Variants in ZDHHC7 observed in about 807,000 individuals in gnomAD.
The protein encoded by ZDHHC7 is zDHHC palmitoyltransferase 7, also known as palmitoyltransferase ZDHHC7.
In ZDHHC7, 12 loss-of-function variants were observed where a neutral mutation model predicts 34.1. That is an observed-to-expected ratio of 0.35 (90% confidence interval 0.23 to 0.57). The LOEUF (loss-of-function observed/expected upper bound fraction) is 0.57, where lower values mean the gene tolerates loss of function less well. Among genes scored for constraint, ZDHHC7 ranks in the 20% least tolerant of loss-of-function variants. The pLI, the probability that ZDHHC7 is intolerant of heterozygous loss-of-function variation, is 0.84. For synonymous variants in ZDHHC7, 185 were observed against 155.4 expected (o/e 1.19, Z -1.42); for missense variants, 388 against 402.7 (o/e 0.96, Z 0.31).
At chr16:84,992,788 C>T (rs991334302) in intron 2 of ZDHHC7, among the ~76,000 whole-genome samples, 1 of 152,184 alleles carries the variant, frequency 6.6e-6, no homozygotes, top group East Asian at 1.9e-4. Flanking sequence ...GGTCAGGTCA[C>T]TACAACTGAG....
At chr16:84,981,799 C>G in intron 4 of ZDHHC7, 71 bp downstream of exon 4, 2 of 1,608,412 alleles carry the variant, frequency 1.2e-6, no homozygotes, top group Non-Finnish European at 1.7e-6. Flanking sequence ...TGGGCGCACT[C>G]TGGTTTAATA....
At chr16:84,996,382 A>G (rs1231283657) in intron 1 of ZDHHC7, among the ~76,000 whole-genome samples, 1 of 152,146 alleles carries the variant, frequency 6.6e-6, no homozygotes, top group Non-Finnish European at 1.5e-5. Context: ...ATCACAGAAC[A>G]GAGAGACAGA....
At position 84,994,546 on chromosome 16, in the gene ZDHHC7, A is replaced by T. The variant is rs2072551657; in HGVS notation, c.-18+1376T>A. ...CCTCTTGAAAGTCTTCTAAAGGCAC[A>T]CATGTGACACCTGAGCCAGCTCAGC... On this transcript the variant is annotated intron_variant, in intron 2 of 7. Coordinates refer to ENST00000313732, the MANE Select transcript of ZDHHC7 (RefSeq NM_017740.3). Among the ~76,000 whole-genome samples the T allele has an allele frequency of 1.3e-5, 2 of 152,214 alleles. 1 individual carries two copies. The highest frequency in any genetic ancestry group is 2.9e-5 in the Non-Finnish European group (2 of 68,048).
At chr16:84,982,197 T>A in intron 3 of ZDHHC7, 2 of 478,862 alleles carry the variant, frequency 4.2e-6, no homozygotes, top group Non-Finnish European at 7.2e-6. Flanking sequence ...TACAAAAAAT[T>A]AGCCAGGCGC....
chr16:84,987,030 G>T (rs2143614189), intron 3 of ZDHHC7, among the ~76,000 whole-genome samples: 1 of 152,308 alleles, frequency 6.6e-6, no homozygotes, highest in South Asian at 2.1e-4. Context: ...CTGCTCTGAG[G>T]ACTGCCCTTC....
Position 84,979,224 on chromosome 16 carries a change from C to A in ZDHHC7, c.502G>T (p.Gly168Ter). ...ACAAAAAATCTTTGATTCTTTTCTC[C>A]TACACAATTGTTCACCCACGGGCAG... ...HHCPWVNNCV[G>*]EKNQRFFVLF... is the part of the protein sequence containing the mutation. Residue 168 changes from glycine (G) to a stop codon, truncating the protein, a stop_gained, in exon 5 of 8, where the codon GGA becomes TGA. Transcript: ENST00000313732. LOFTEE classifies it high-confidence loss of function. The A allele has an allele frequency of 1.2e-6, 2 of 1,605,696 alleles. No individual in the cohort carries two copies. Among genetic ancestry groups the A allele is most frequent in the Admixed American group, 3.5e-5 (2 of 57,234 alleles).
At chr16:84,995,499 G>A (rs1333246794) in intron 2 of ZDHHC7, among the ~76,000 whole-genome samples, 1 of 152,166 alleles carries the variant, frequency 6.6e-6, no homozygotes, top group Non-Finnish European at 1.5e-5. Context: ...GATGGCGGGT[G>A]CCTGTAATCC....
chr16:85,010,717 A>G lies in ZDHHC7; in HGVS notation c.-104+569T>C, dbSNP rs190512166. On this transcript the variant is annotated intron_variant, in intron 1 of 7. Coordinates refer to ENST00000313732, the MANE Select transcript of ZDHHC7 (RefSeq NM_017740.3). ...GTGTGACAAAGTTGTAGAAGGAACC[A>G]CACCAGGAGAGGTGAGCCTTACTGC... is the stretch of plus-strand genomic sequence containing the variant. Among the ~76,000 whole-genome samples the G allele has an allele frequency of 1.2e-3, 181 of 152,356 alleles. 1 individual carries two copies. The highest frequency in any genetic ancestry group is 3.2e-3 in the African/African-American group (134 of 41,586).
Position 84,990,645 on chromosome 16 carries a change from G to A in ZDHHC7, c.-17-10C>T. 1.2e-6 allele frequency: 2 copies of A among 1,604,890 alleles called. No homozygotes were observed. The highest frequency in any genetic ancestry group is 1.7e-6 in the Non-Finnish European group (2 of 1,175,246). ...ATTTCCCTGACGCACCCTGGGGAGG[G>A]GGACGACACAGAGCTGGTAAGGCTC... On this transcript the variant is annotated splice_polypyrimidine_tract_variant and intron_variant, in intron 2 of 7. Coordinates refer to ENST00000313732, the MANE Select transcript of ZDHHC7 (RefSeq NM_017740.3).
In ZDHHC7 at chr16:84,988,614, G is replaced by C. The variant is rs574574891; in HGVS notation, c.315+1690C>G. ...GGGCCTTTTCCGCAGGAGCAGGAGC[G>C]GGGTGGGAGCAGAAGCTGGACTGCT... On this transcript the variant is annotated intron_variant, in intron 3 of 7. Coordinates refer to ENST00000313732, the MANE Select transcript of ZDHHC7 (RefSeq NM_017740.3). 27 of 692,408 alleles carry C rather than the reference G, an allele frequency of 3.9e-5. 1 individual carries two copies. The highest frequency in any genetic ancestry group is 1.3e-4 in the Admixed American group (5 of 39,414). The allele number at this position is 692,408 out of a possible 1,614,324, so 42.9% of individuals were successfully genotyped here.
At chr16:84,997,218 C>T (rs2072590528) in intron 1 of ZDHHC7, among the ~76,000 whole-genome samples, 1 of 150,698 alleles carries the variant, frequency 6.6e-6, no homozygotes, top group African/African-American at 2.4e-5. Context: ...TAAGAACTTC[C>T]TGGTTATTCT....
chr16:84,998,189 G>A (rs1022618252), intron 1 of ZDHHC7, among the ~76,000 whole-genome samples: 28 of 151,306 alleles, frequency 1.9e-4, no homozygotes, highest in African/African-American at 6.6e-4. Context: ...GCGCGAACCC[G>A]GGAGGCGGAG....
chr16:85,018,121 C>T, the ZDHHC7 span, among the ~76,000 whole-genome samples: 3 of 152,180 alleles, frequency 2.0e-5, no homozygotes, highest in Non-Finnish European at 2.9e-5. Flanking sequence ...GTTTGACCCA[C>T]ATCCTGGGTT....
At chr16:85,025,421 G>T in the ZDHHC7 span, among the ~76,000 whole-genome samples, 164 of 116,428 alleles carry the variant, frequency 1.4e-3, 1 homozygote, top group African/African-American at 5.0e-3. Flanking sequence ...TTCCTTTTTT[G>T]GGGGGGGGGA....
At chr16:84,989,981 C>CA (rs1416492390) in intron 3 of ZDHHC7, among the ~76,000 whole-genome samples, 1 of 152,134 alleles carries the variant, frequency 6.6e-6, no homozygotes, top group African/African-American at 2.4e-5. Context: ...GGCTGAGCTG[C>CA]AAGATCTGTA....
At chr16:85,021,327 G>T in the ZDHHC7 span, among the ~76,000 whole-genome samples, 1 of 145,196 alleles carries the variant, frequency 6.9e-6, no homozygotes, top group East Asian at 2.1e-4. Flanking sequence ...CAGAAGAATC[G>T]TTTGAACCCA....
chr16:84,980,004 G>C (rs1357777703), intron 4 of ZDHHC7, among the ~76,000 whole-genome samples: 1 of 144,904 alleles, frequency 6.9e-6, no homozygotes, highest in African/African-American at 2.6e-5. Flanking sequence ...GCCCAGGCTG[G>C]AGTGCAGTGG....
chr16:84,986,452 A>G (rs897652234), intron 3 of ZDHHC7, among the ~76,000 whole-genome samples: 2 of 152,158 alleles, frequency 1.3e-5, no homozygotes, highest in African/African-American at 2.4e-5. Context: ...CTACCTCCGG[A>G]AGGCACTCGC....
chr16:84,981,717 A>C (rs1254660725), intron 4 of ZDHHC7, among the ~76,000 whole-genome samples, 153 bp downstream of exon 4: 1 of 152,218 alleles, frequency 6.6e-6, no homozygotes, highest in Non-Finnish European at 1.5e-5. Flanking sequence ...CCTACCCCAG[A>C]AAGAACATGA....
Sources: allele counts gnomAD v4.1 joint callset (sites outside exome capture counted in the v4.1 genomes callset), GRCh38; gene constraint gnomAD v4.1.1; transcripts MANE v1.5; gene names NCBI Gene and HGNC (gene_info 2026-07-23, HGNC 2026-07-21).